COBLL1: variants seen among roughly 807,000 people sequenced by gnomAD.
COBLL1 encodes the protein cordon-bleu protein-like 1.
COBLL1 carries 50 observed loss-of-function variants against 94.8 expected under a neutral mutation model. That is an observed-to-expected ratio of 0.53 (90% confidence interval 0.42 to 0.67). The LOEUF (loss-of-function observed/expected upper bound fraction) is 0.67, where lower values mean the gene tolerates loss of function less well. Ranked by LOEUF, COBLL1 falls within the 30% of genes least tolerant of loss-of-function variation. The pLI is 0.00. For synonymous variants in COBLL1, 448 were observed against 473.8 expected (o/e 0.95, Z 0.71); for missense variants, 1,362 against 1,348.7 (o/e 1.01, Z -0.15).
upstream of COBLL1, chr2:164,841,964 C>T (rs541289589): frequency 6.5e-6 from 10 of 1,538,652 alleles, no homozygotes; most frequent in East Asian, 2.2e-4. This position sits in a 1 kb window ranked among gnomAD's most constrained non-coding sequence, Gnocchi z 5.5. Context: ...CACCCTGCCC[C>T]ATTTCCCTGC....
chr2:164,776,666 T>A (rs1688478988), intron 2 of COBLL1, among the ~76,000 whole-genome samples: 1 of 151,998 alleles, frequency 6.6e-6, no homozygotes, highest in Non-Finnish European at 1.5e-5. Context: ...ACCTTCTCAG[T>A]CTTCTCCTGA....
At chr2:164,704,115 A>G (rs1242837776) in intron 9 of COBLL1, among the ~76,000 whole-genome samples, 1 of 152,202 alleles carries the variant, frequency 6.6e-6, no homozygotes, top group Non-Finnish European at 1.5e-5. Flanking sequence ...ACCAAGGTAC[A>G]TTCCTAATTA....
chr2:164,757,416 C>T (rs1181918386), intron 2 of COBLL1, among the ~76,000 whole-genome samples: 1 of 152,018 alleles, frequency 6.6e-6, no homozygotes, highest in Non-Finnish European at 1.5e-5. Context: ...AAATTTAAAT[C>T]CCTGTTACAT....
chr2:164,699,655 T>G (rs558722145), intron 10 of COBLL1, among the ~76,000 whole-genome samples, 156 bp from the exon 11 acceptor site: 1 of 152,042 alleles, frequency 6.6e-6, no homozygotes, highest in Non-Finnish European at 1.5e-5. Flanking sequence ...CATCGGAAAT[T>G]TAATAGCAGA....
At chr2:164,727,192 T>A in intron 5 of COBLL1, 1 of 1,114,594 alleles carries the variant, frequency 9.0e-7, no homozygotes, top group Non-Finnish European at 1.3e-6. Context: ...GTGAAGATGA[T>A]GTTTGTTCAA....
Position 164,684,786 on chromosome 2 carries a change from A to G in COBLL1, c.*1160T>C, listed in dbSNP as rs1445258550. ...CAAATATACAACTTGCTTTTATTAA[A>G]TTGAAAAAAAAATCCCCAAGAGGCA... On this transcript the variant is annotated 3_prime_UTR_variant, in exon 14 of 14. Coordinates refer to ENST00000652658, the MANE Select transcript of COBLL1 (RefSeq NM_001365672.2). 1 of 152,126 alleles carries G rather than the reference A, an allele frequency of 6.6e-6. No individual in the cohort carries two copies. Among genetic ancestry groups the G allele is most frequent in the Non-Finnish European group, 1.5e-5 (1 of 68,002 alleles). 9.4% of individuals were successfully genotyped at this position (152,126 alleles called of 1,614,324 possible).
In COBLL1 at chr2:164,743,781, T is replaced by G. The variant is rs748681047; in HGVS notation, c.136A>C (p.Ile46Leu). The change falls in exon 3 of 14, where the codon ATC becomes CTC. Residue 46 changes from isoleucine to leucine, a missense_variant. Transcript: ENST00000652658. ...ATCATGTTTTCTTTCTGTTCCATGA[T>G]GAAAGCAGTGGATTCTACAGAATCA... The part of the protein sequence containing the change: ...AADSVESTAF[I>L]MEQKENMIDK... The G allele has an allele frequency of 1.2e-6, 2 of 1,613,462 alleles. No individual in the cohort carries two copies. The highest frequency in any genetic ancestry group is 8.5e-7 in the Non-Finnish European group (1 of 1,179,590).
At chr2:164,688,038 T>C (rs1021959100) in intron 13 of COBLL1, among the ~76,000 whole-genome samples, 2 of 149,216 alleles carry the variant, frequency 1.3e-5, no homozygotes, top group Non-Finnish European at 3.0e-5. Flanking sequence ...TCAAATACTA[T>C]GTAATCTTTA....
chr2:164,810,312 T>A (rs1684400898), intron 2 of COBLL1, among the ~76,000 whole-genome samples: 3 of 151,730 alleles, frequency 2.0e-5, no homozygotes, highest in Admixed American at 1.3e-4. Flanking sequence ...ATCTGTCTCA[T>A]ATACAGATTT....
chr2:164,840,557 AAAAGT>A (rs1488775244), intron 2 of COBLL1: 13 of 152,224 alleles, frequency 8.5e-5, no homozygotes, highest in Non-Finnish European at 1.3e-4. Flanking sequence ...GGATAAAAAG[AAAAGT>A]AGAGTTGTTT....
chr2:164,809,211 T>G (rs1684339187), intron 2 of COBLL1, among the ~76,000 whole-genome samples: 2 of 152,038 alleles, frequency 1.3e-5, no homozygotes, highest in South Asian at 4.1e-4. Flanking sequence ...AAATCACAGT[T>G]GAAAGATATG....
At chr2:164,776,116 T>C (rs985862309) in intron 2 of COBLL1, among the ~76,000 whole-genome samples, 2 of 149,352 alleles carry the variant, frequency 1.3e-5, no homozygotes, top group Non-Finnish European at 3.0e-5. Context: ...CCCGGTCCTT[T>C]CCCACTCCAC....
Position 164,695,618 on chromosome 2 carries a change from T to G in COBLL1, c.1774A>C (p.Asn592His), listed in dbSNP as rs2105432594. 1.2e-6 allele frequency: 2 copies of G among 1,613,960 alleles called. No individual in the cohort carries two copies. The change falls in exon 12 of 14, where the codon AAT (asparagine) becomes CAT (histidine). Residue 592 changes from asparagine (N) to histidine (H), a missense_variant. Coordinates refer to ENST00000652658, the MANE Select transcript of COBLL1 (RefSeq NM_001365672.2). Reference sequence around the variant, plus strand: ...TTTGTCTTTTCTGCACTGGGTTGATTCAGTTTTTGATCTGGTACTGATGAA... The same window carrying G: ...TTTGTCTTTTCTGCACTGGGTTGATGCAGTTTTTGATCTGGTACTGATGAA... ...AASSVPDQKLNQPSAEKTKDA... is the reference protein window; with the variant it reads ...AASSVPDQKLHQPSAEKTKDA...
At chr2:164,817,533 C>T (rs996339011) in intron 2 of COBLL1, among the ~76,000 whole-genome samples, 3 of 152,140 alleles carry the variant, frequency 2.0e-5, no homozygotes, top group East Asian at 1.9e-4. Flanking sequence ...GTTCTCCTCA[C>T]GCTACGTTAC....
At chr2:164,773,807 TTTA>T (rs1253804372) in intron 2 of COBLL1, 4 of 1,236,510 alleles carry the variant, frequency 3.2e-6, no homozygotes, top group Non-Finnish European at 4.2e-6. Context: ...AACTCAACTG[TTTA>T]TCATGTATGT....
chr2:164,704,358 A>G, intron 9 of COBLL1, 86 bp downstream of exon 9: 1 of 911,056 alleles, frequency 1.1e-6, no homozygotes, highest in Non-Finnish European at 1.8e-6. Flanking sequence ...TCTTTCATGT[A>G]CAAAGCATCG....
intron 2 of COBLL1, among the ~76,000 whole-genome samples, chr2:164,769,192 C>T (rs764411392): frequency 5.9e-5 from 9 of 151,984 alleles, no homozygotes; most frequent in East Asian, 1.9e-4. Context: ...TAAAAGCATG[C>T]GGGGTTAGAA....
chr2:164,704,093 T>C (rs1684457345), intron 9 of COBLL1, among the ~76,000 whole-genome samples: 1 of 152,188 alleles, frequency 6.6e-6, no homozygotes, highest in South Asian at 2.1e-4. Flanking sequence ...CTGTAAGTTT[T>C]CTTCTGCACA....
At chr2:164,764,881 A>C (rs1432202445) in intron 2 of COBLL1, among the ~76,000 whole-genome samples, 1 of 152,244 alleles carries the variant, frequency 6.6e-6, no homozygotes, top group Admixed American at 6.5e-5. Flanking sequence ...TAGTACCCTG[A>C]AAATTTAGGG....
Sources: allele counts gnomAD v4.1 joint callset (sites outside exome capture counted in the v4.1 genomes callset), GRCh38; gene constraint gnomAD v4.1.1; non-coding constraint Gnocchi (gnomAD v3.1); transcripts MANE v1.5; gene names NCBI Gene and HGNC (gene_info 2026-07-23, HGNC 2026-07-21).